The following PACS2 variants were observed in gnomAD, a reference collection of about 807,000 sequenced individuals.
The protein encoded by PACS2 is PACS1-like protein.
In PACS2, 36 loss-of-function variants were observed where a neutral mutation model predicts 113.0. The observed-to-expected ratio is 0.32, with a 90% CI of 0.24 to 0.42. PACS2 has a LOEUF of 0.42. PACS2 is among the 10% of genes least tolerant of loss of function. PACS2 has a pLI of 1.00. For synonymous variants in PACS2, 589 were observed against 536.1 expected, an observed-to-expected ratio of 1.10 and a Z score of -1.36; for missense variants, 1,015 against 1,239.5, an observed-to-expected ratio of 0.82 and a Z score of 2.72.
chr14:105,397,079 C>G lies in PACS2; in HGVS notation c.*2407C>G, dbSNP rs2081549727. On this transcript the variant is annotated 3_prime_UTR_variant, in exon 25 of 25. Transcript: ENST00000447393. ...GGTTCTGGTGGCACTCCCTGTGCCC[C>G]TGCTGCTGCTGGGCTGTGGGTCTGC... 6.6e-6 allele frequency: 1 copy of G among 152,266 alleles called. No homozygotes were observed. Among genetic ancestry groups the G allele is most frequent in the African/African-American group, 2.4e-5 (1 of 41,450 alleles). 9.4% of individuals were successfully genotyped at this position (152,266 alleles called of 1,614,324 possible).
At position 105,305,176 on chromosome 14, in the gene PACS2, G is replaced by A. The variant is rs375783035; in HGVS notation, c.-83+4197G>A. On this transcript the variant is annotated intron_variant, in intron 1 of 23. Transcript: ENST00000430725. Reference sequence around the variant, plus strand: ...AGCACTTTGGGAGGCTGAGGAGGGAGGATTGCTTGAGTCCAGGAGTTTGAG... The same window carrying A: ...AGCACTTTGGGAGGCTGAGGAGGGAAGATTGCTTGAGTCCAGGAGTTTGAG... 5.3e-4 allele frequency among the ~76,000 whole-genome samples: 80 copies of A among 152,256 alleles called. No homozygotes were observed. In the East Asian group the frequency reaches 7.7e-3, roughly 15 times the overall value.
At chr14:105,346,513 C>T in intron 1 of PACS2, among the ~76,000 whole-genome samples, 1 of 130,760 alleles carries the variant, frequency 7.6e-6, no homozygotes, top group South Asian at 2.9e-4. Context: ...ACGGCTCCCC[C>T]ACCCACACCC....
In PACS2 at chr14:105,392,629, G is replaced by C; in HGVS notation, c.2266G>C (p.Gly756Arg). The C allele has an allele frequency of 6.2e-7, 1 of 1,606,924 alleles. No individual in the cohort carries two copies. Among genetic ancestry groups the C allele is most frequent in the Admixed American group, 1.7e-5 (1 of 59,176 alleles). ...GGLSSPSQGV[G>R]AELMGLQVDY... ...CTCTGCCTTTCCCAGCCAGGGTGTC[G>C]GCGCCGAGCTGATGGGGCTGCAGGT... The change falls in exon 23 of 25, where the codon GGC becomes CGC. Residue 756 changes from glycine to arginine, a missense_variant. Physicochemically the swap from Gly to Arg is moderately radical, Grantham distance 125. This residue lies in a region of PACS2 where 859 missense variants were observed against 1,056.8 expected (regional missense o/e 0.81). Transcript: ENST00000447393.
rs2058732517 is a variant in PACS2, at chr14:105,317,762, C to T, written c.119+2725C>T. Among the ~76,000 whole-genome samples the T allele has an allele frequency of 6.6e-6, 1 of 152,196 alleles. No individual in the cohort carries two copies. The highest frequency in any genetic ancestry group is 2.4e-5 in the African/African-American group (1 of 41,444). On this transcript the variant is annotated intron_variant, in intron 1 of 24. Transcript: ENST00000447393. This position sits in a 1 kb window ranked among gnomAD's most constrained non-coding sequence, Gnocchi z 4.2. ...CTCTGGGTGCACTCCCCGTGTCAGC[C>T]TGGTGGAGTGTGCACATTGACTGTT...
intron 15 of PACS2, 41 bp from the exon 16 acceptor site, chr14:105,383,318 G>A (rs781838781): frequency 9.4e-6 from 15 of 1,599,078 alleles, no homozygotes; most frequent in Non-Finnish European, 1.3e-5. Flanking sequence ...CTCCCCTGAG[G>A]CGTCTGTCCC....
At chr14:105,327,702 G>C (rs1023719834) in intron 1 of PACS2, among the ~76,000 whole-genome samples, 1 of 152,226 alleles carries the variant, frequency 6.6e-6, no homozygotes, top group Non-Finnish European at 1.5e-5. Context: ...GGTTTTGGAG[G>C]TTTCTTTAAT....
At chr14:105,370,209 C>G in intron 8 of PACS2, 1 of 259,630 alleles carries the variant, frequency 3.9e-6, no homozygotes, top group Non-Finnish European at 7.4e-6. Context: ...GTTTTTAGAG[C>G]AGTTTTAGGT....
chr14:105,347,399 C>T (rs895247050), intron 1 of PACS2, among the ~76,000 whole-genome samples: 10 of 152,140 alleles, frequency 6.6e-5, no homozygotes, highest in South Asian at 2.1e-4. Context: ...GGGGTGGAGA[C>T]GGAAGCACGT....
chr14:105,342,245 T>G (rs1220845959), intron 1 of PACS2, among the ~76,000 whole-genome samples: 7 of 151,560 alleles, frequency 4.6e-5, no homozygotes, highest in African/African-American at 1.2e-4. Context: ...TGTGTGTGTG[T>G]GTGTGTGTGT....
Position 105,324,966 on chromosome 14 carries a change from C to T in PACS2, c.119+9929C>T, listed in dbSNP as rs1484642175. On this transcript the variant is annotated intron_variant, in intron 1 of 24. Coordinates refer to ENST00000447393, the MANE Select transcript of PACS2 (RefSeq NM_001100913.3). The surrounding 1 kb of genome is among the most constrained non-coding windows in gnomAD (Gnocchi z 4.7). Reference sequence around the variant, plus strand: ...GTCTGCCCTTCCTGCTGGGGGTGCACACGGGCCTGGGGCTGAGCAACCCGC... The same window carrying T: ...GTCTGCCCTTCCTGCTGGGGGTGCATACGGGCCTGGGGCTGAGCAACCCGC... 6.6e-6 allele frequency among the ~76,000 whole-genome samples: 1 copy of T among 152,022 alleles called. No homozygotes were observed. The highest frequency in any genetic ancestry group is 1.5e-5 in the Non-Finnish European group (1 of 67,976).
chr14:105,339,272 C>T (rs941793993), intron 1 of PACS2, among the ~76,000 whole-genome samples: 2 of 147,846 alleles, frequency 1.4e-5, no homozygotes, highest in African/African-American at 5.0e-5. Context: ...TTTGGGAGGT[C>T]AAGGTGGGGG....
chr14:105,385,134 T>A (rs1302473346), intron 18 of PACS2, 147 bp downstream of exon 18: 1 of 634,758 alleles, frequency 1.6e-6, no homozygotes, highest in Non-Finnish European at 2.9e-6. Flanking sequence ...GCTGGGCAGC[T>A]CTGGGCCTCC....
At position 105,391,655 on chromosome 14, in the gene PACS2, C is replaced by T. The variant is rs374373404; in HGVS notation, c.2144C>T (p.Ser715Leu). Reference protein sequence around the residue: ...TSGDSDDAAPSGSGTLSSTPP... With the variant: ...TSGDSDDAAPLGSGTLSSTPP... The stretch of plus-strand genomic sequence containing the variant: ...GGCGACTCGGACGACGCGGCCCCCT[C>T]GGGCTCTGGCACGCTCTCCTCCACC... The change falls in exon 22 of 25, where the codon TCG (serine) becomes TTG (leucine). Residue 715 changes from serine to leucine, a missense_variant. Transcript: ENST00000447393. 63 of 1,610,414 alleles carry T rather than the reference C, an allele frequency of 3.9e-5. No individual in the cohort carries two copies. In the Middle Eastern group the frequency reaches 5.0e-4, roughly 13 times the overall value.
In PACS2 at chr14:105,355,195, C is replaced by T. The variant is rs369984475; in HGVS notation, c.423+18C>T. The stretch of plus-strand genomic sequence containing the variant: ...TGGCTGAGGTGAGTGCTCCGTCTGG[C>T]GTGGCCTGCGTCGGGCTGGCCACCT... On this transcript the variant is annotated intron_variant, in intron 4 of 24. Transcript: ENST00000447393. This position sits in a 1 kb window ranked among gnomAD's most constrained non-coding sequence, Gnocchi z 4.1. 25 of 1,608,742 alleles carry T rather than the reference C, an allele frequency of 1.6e-5. No individual in the cohort carries two copies. The highest frequency in any genetic ancestry group is 1.1e-4 in the African/African-American group (8 of 74,762).
At chr14:105,362,750 C>T (rs1352619851) in intron 4 of PACS2, among the ~76,000 whole-genome samples, 2 of 152,130 alleles carry the variant, frequency 1.3e-5, no homozygotes, top group African/African-American at 4.8e-5. Flanking sequence ...ACTCAGGAGG[C>T]TGAGGCAGGA....
At position 105,381,021 on chromosome 14, in the gene PACS2, C is replaced by T. The variant is rs2080973067; in HGVS notation, c.1190C>T (p.Thr397Ile). The T allele has an allele frequency of 6.2e-7, 1 of 1,612,378 alleles. No homozygotes were observed. Among genetic ancestry groups the T allele is most frequent in the Admixed American group, 1.7e-5 (1 of 59,960 alleles). The change falls in exon 12 of 25, where the codon ACC (threonine) becomes ATC (isoleucine). Residue 397 changes from threonine to isoleucine, a missense_variant. Physicochemically the swap from Thr to Ile is moderately conservative, Grantham distance 89. Transcript: ENST00000447393. Reference protein sequence around the residue: ...PEDSPEAEASTLDVFTERLPP... With the variant: ...PEDSPEAEASILDVFTERLPP... ...GACAGCCCCGAGGCTGAGGCCTCCA[C>T]CCTGGATGTGTTCACGGAGAGGCTG...
At chr14:105,331,090 G>A (rs1346991169) in intron 1 of PACS2, among the ~76,000 whole-genome samples, 4 of 152,126 alleles carry the variant, frequency 2.6e-5, no homozygotes, top group Non-Finnish European at 4.4e-5. Flanking sequence ...GAGTAGCTGG[G>A]ATTACAGGCA....
rs1439172577 is a variant in PACS2 at position 105,330,356 on chromosome 14, G to T, written c.119+15319G>T. Among the ~76,000 whole-genome samples, 3 of 152,066 alleles carry T rather than the reference G, an allele frequency of 2.0e-5. No individual in the cohort carries two copies. The highest frequency in any genetic ancestry group is 7.2e-5 in the African/African-American group (3 of 41,380). On this transcript the variant is annotated intron_variant, in intron 1 of 24. Transcript: ENST00000447393. The surrounding 1 kb of genome is among the most constrained non-coding windows in gnomAD (Gnocchi z 6.9). ...GGACAGGAGCCTCCAAGAAGCCTGG[G>T]GTCCGTGTGTCCGTAGGAACGGGGG...
rs782292382 is a variant in PACS2, at chr14:105,355,204, C to T, written c.423+27C>T. 1.0e-4 allele frequency: 165 copies of T among 1,603,318 alleles called. No homozygotes were observed. Among genetic ancestry groups the T allele is most frequent in the Non-Finnish European group, 1.4e-4 (162 of 1,174,968 alleles). On this transcript the variant is annotated intron_variant, in intron 4 of 24. Transcript: ENST00000447393. The surrounding 1 kb of genome is among the most constrained non-coding windows in gnomAD (Gnocchi z 4.1). ...TGAGTGCTCCGTCTGGCGTGGCCTG[C>T]GTCGGGCTGGCCACCTGGGTGCCAG...
Sources: gnomAD v4.1 joint callset for allele counts (sites outside exome capture counted in the v4.1 genomes callset) on GRCh38, gnomAD v4.1.1 for gene constraint, gnomAD v4.1.1 regional missense constraint, Gnocchi (gnomAD v3.1) non-coding constraint, MANE v1.5 for transcripts, NCBI Gene and HGNC (gene_info 2026-07-23, HGNC 2026-07-21) for gene names.